COL20A1: variants seen among roughly 807,000 people sequenced by gnomAD.
The protein encoded by COL20A1 is collagen type XX alpha 1 chain.
COL20A1 carries 164 observed loss-of-function variants against 152.9 expected under a neutral mutation model. The ratio of observed to expected loss-of-function variants is 1.07; its 90% CI spans 0.94 to 1.22. The LOEUF is 1.22. Among genes scored for constraint, COL20A1 ranks in the 50% most tolerant of loss-of-function variants. The pLI is 0.00. For synonymous variants in COL20A1, 864 were observed against 756.0 expected (o/e 1.14, Z -2.34); for missense variants, 1,873 against 1,744.8 (o/e 1.07, Z -1.31).
intron 35 of COL20A1, among the ~76,000 whole-genome samples, chr20:63,330,347 G>A (rs567794097): frequency 6.6e-6 from 1 of 152,262 alleles, no homozygotes; most frequent in East Asian, 1.9e-4. Context: ...GCACCTTTGA[G>A]CTAGGGGACT....
intron 35 of COL20A1, among the ~76,000 whole-genome samples, 167 bp from the exon 36 acceptor site, chr20:63,330,553 A>G (rs576319445): frequency 1.3e-5 from 2 of 152,188 alleles, no homozygotes; most frequent in Admixed American, 6.5e-5. Flanking sequence ...AATCCTGCCC[A>G]CTTACGGCCC....
chr20:63,297,291 G>T (rs2067807403), intron 2 of COL20A1, among the ~76,000 whole-genome samples: 1 of 143,442 alleles, frequency 7.0e-6, no homozygotes, highest in Admixed American at 6.9e-5. Context: ...AGGGGACCCA[G>T]CCTGGGGACT....
chr20:63,305,825 C>G lies in COL20A1; in HGVS notation c.338-56C>G. The G allele has an allele frequency of 6.4e-7, 1 of 1,556,134 alleles. No individual in the cohort carries two copies. Among genetic ancestry groups the G allele is most frequent in the African/African-American group, 1.4e-5 (1 of 73,868 alleles). ...CTTGAAGGGGTGTATGTGCAGCTGC[C>G]CCAGTGGACCAGGCCCTCCACTCCC... On this transcript the variant is annotated intron_variant, in intron 4 of 35. Transcript: ENST00000358894. The surrounding 1 kb of genome is among the most constrained non-coding windows in gnomAD (Gnocchi z 4.9).
At chr20:63,301,852 T>C (rs1292553933) in intron 3 of COL20A1, among the ~76,000 whole-genome samples, 2 of 152,212 alleles carry the variant, frequency 1.3e-5, no homozygotes, top group Admixed American at 1.3e-4. Flanking sequence ...AGTGTGACAG[T>C]CTTTGTCTTT....
Position 63,309,779 on chromosome 20 carries a change from C to T in COL20A1, c.1127C>T (p.Thr376Ile). 1.3e-6 allele frequency: 2 copies of T among 1,593,902 alleles called. No individual in the cohort carries two copies. The highest frequency in any genetic ancestry group is 8.5e-7 in the Non-Finnish European group (1 of 1,171,660). Reference protein sequence around the residue: ...QGPAAAPALDTLPAPTSLVLS... With the variant: ...QGPAAAPALDILPAPTSLVLS... ...GCAGCAGCGGCTCCAGCCCTGGACA[C>T]CCTCCCTGCCCCCACCAGCCTGGTC... Residue 376 changes from threonine to isoleucine, a missense_variant, in exon 10 of 36, where the codon ACC (threonine) becomes ATC (isoleucine). Physicochemically the swap from Thr to Ile is moderately conservative, Grantham distance 89. Coordinates refer to ENST00000358894, the MANE Select transcript of COL20A1 (RefSeq NM_020882.4).
At chr20:63,316,179 T>TG (rs1284737231) in intron 20 of COL20A1, among the ~76,000 whole-genome samples, 2 of 122,136 alleles carry the variant, frequency 1.6e-5, no homozygotes, top group East Asian at 4.5e-4. Context: ...GTGGGCTTGC[T>TG]GGGGGGCAGG....
At chr20:63,304,179 C>G (rs1158404949) in intron 3 of COL20A1, among the ~76,000 whole-genome samples, 1 of 130,340 alleles carries the variant, frequency 7.7e-6, no homozygotes. Flanking sequence ...CTTCCTCCCT[C>G]CAGGTGTGCA....
In COL20A1 at chr20:63,320,255, G is replaced by C. The variant is rs762160934; in HGVS notation, c.3076-36G>C. ...GCTGGTGGGGGCTGGCAGCCTCTCT[G>C]AGCCCCGGGGCTGAGCCGGCTCCCC... On this transcript the variant is annotated intron_variant, in intron 24 of 35. Coordinates refer to ENST00000358894, the MANE Select transcript of COL20A1 (RefSeq NM_020882.4). 57 of 1,605,880 alleles carry C rather than the reference G, an allele frequency of 3.5e-5. No homozygotes were observed. In the South Asian group the frequency reaches 5.6e-4, roughly 16 times the overall value.
rs945832349 is a variant in COL20A1, at chr20:63,333,064, T to C, written c.*2348T>C. On this transcript the variant is annotated 3_prime_UTR_variant, in exon 36 of 36. Coordinates refer to ENST00000358894, the MANE Select transcript of COL20A1 (RefSeq NM_020882.4). Reference sequence around the variant, plus strand: ...GGGACTGAGCCGGGGCTCACGCTCCTGGCCAGAGCGCTGGGTTTCTGGCAA... The same window carrying C: ...GGGACTGAGCCGGGGCTCACGCTCCCGGCCAGAGCGCTGGGTTTCTGGCAA... 6.6e-6 allele frequency: 1 copy of C among 151,984 alleles called. No homozygotes were observed. The highest frequency in any genetic ancestry group is 1.5e-5 in the Non-Finnish European group (1 of 68,006). The allele number at this position is 151,984 out of a possible 1,614,324, so 9.4% of individuals were successfully genotyped here.
At chr20:63,326,919 C>T in intron 31 of COL20A1, 96 bp downstream of exon 31, 2 of 821,424 alleles carry the variant, frequency 2.4e-6, no homozygotes, top group Non-Finnish European at 3.6e-6. Context: ...CTACTGACAG[C>T]TCAGGGACTT....
intron 30 of COL20A1, 58 bp from the exon 31 acceptor site, chr20:63,326,694 A>C (rs1416790076): frequency 1.6e-6 from 2 of 1,220,308 alleles, no homozygotes; most frequent in Non-Finnish European, 2.2e-6. Flanking sequence ...ACCAGGGCTG[A>C]AGTGGGAGCA....
chr20:63,324,425 C>G (rs1021017454), intron 27 of COL20A1: 1 of 152,174 alleles, frequency 6.6e-6, no homozygotes, highest in Non-Finnish European at 1.5e-5. Flanking sequence ...TAGCATTTGA[C>G]CATTAAAGTG....
chr20:63,297,805 CTG>C (rs1179261530), intron 2 of COL20A1, 103 bp from the exon 3 acceptor site: 2 of 852,396 alleles, frequency 2.3e-6, no homozygotes, highest in African/African-American at 3.3e-5. Context: ...CGGGATAGGA[CTG>C]TGTTCCTCCC....
intron 34 of COL20A1, among the ~76,000 whole-genome samples, chr20:63,328,861 T>G (rs1379691031): frequency 1.8e-5 from 2 of 111,224 alleles, no homozygotes; most frequent in African/African-American, 6.9e-5. Flanking sequence ...TCCCGCCCTC[T>G]TATCCTCCTG....
intron 8 of COL20A1, 90 bp from the exon 9 acceptor site, chr20:63,309,243 C>A: frequency 9.1e-7 from 1 of 1,104,432 alleles, no homozygotes; most frequent in Non-Finnish European, 1.2e-6. Context: ...CTCTTTACTC[C>A]TGACCCAGTC....
rs1399708438 is a variant in COL20A1 at position 63,308,573 on chromosome 20, C to A, written c.807C>A (p.Asn269Lys). The A allele has an allele frequency of 7.5e-6, 12 of 1,605,706 alleles. No individual in the cohort carries two copies. The highest frequency in any genetic ancestry group is 8.5e-6 in the Non-Finnish European group (10 of 1,176,742). Residue 269 changes from asparagine (N) to lysine (K), a missense_variant, in exon 8 of 36, where the codon AAC becomes AAA. Transcript: ENST00000358894. The stretch of plus-strand genomic sequence containing the variant: ...CCCTGACCCACGTGCTGGGGCAGAA[C>A]CTGCAGCCGGCGGCTGGCCTCCGTC... ...GLALTHVLGQ[N>K]LQPAAGLRPE...
At position 63,307,901 on chromosome 20, in the gene COL20A1, G is replaced by GC. The variant is rs1281202501; in HGVS notation, c.656-68dup. On this transcript the variant is annotated intron_variant, in intron 6 of 35. Transcript: ENST00000358894. ...GAGGCACGTGCAGCTCTCAGGTGTG[G>GC]CCTTGTGCCAAGCTCCCTGGGCATC... 2.5e-6 allele frequency: 4 copies of GC among 1,572,470 alleles called. No homozygotes were observed. The African/African-American group carries it at 5.4e-5, about 21-fold the overall frequency.
intron 27 of COL20A1, chr20:63,324,473 G>C (rs979593659): frequency 6.6e-6 from 1 of 152,170 alleles, no homozygotes; most frequent in Non-Finnish European, 1.5e-5. Context: ...TTTGTCATGT[G>C]GTAGTGAAGT....
At chr20:63,295,293 A>C in intron 2 of COL20A1, 104 bp downstream of exon 2, 1 of 708,854 alleles carries the variant, frequency 1.4e-6, no homozygotes, top group South Asian at 1.8e-5. Context: ...TCTTCCTCCT[A>C]AGTTGAATGC....
Sources: gnomAD v4.1 joint callset for allele counts (sites outside exome capture counted in the v4.1 genomes callset) on GRCh38, gnomAD v4.1.1 for gene constraint, Gnocchi (gnomAD v3.1) non-coding constraint, MANE v1.5 for transcripts, NCBI Gene and HGNC (gene_info 2026-07-23, HGNC 2026-07-21) for gene names.